Variants in TERT observed in about 807,000 individuals in gnomAD.
TERT encodes telomerase reverse transcriptase, also known as telomerase catalytic subunit.
TERT carries 42 observed loss-of-function variants against 104.0 expected under a neutral mutation model. The observed-to-expected ratio is 0.40, with a 90% CI of 0.32 to 0.52. The LOEUF (loss-of-function observed/expected upper bound fraction) is 0.52, where lower values mean the gene tolerates loss of function less well. Among genes scored for constraint, TERT ranks in the 20% least tolerant of loss-of-function variants. The probability of loss-of-function intolerance (pLI) is 0.43; values close to 1 mark genes in which losing one functional copy is unlikely to be tolerated. For missense variants in TERT, 1,101 were observed against 1,610.3 expected, an observed-to-expected ratio of 0.68 and a Z score of 5.41; for synonymous variants, 781 against 725.6, an observed-to-expected ratio of 1.08 and a Z score of -1.23.
chr5:1,272,622 C>CGT (rs2126620380), intron 6 of TERT, among the ~76,000 whole-genome samples: 4 of 35,592 alleles, frequency 1.1e-4, no homozygotes, highest in African/African-American at 4.5e-4. Context: ...TCAGACCCCA[C>CGT]GACCGCCATC....
chr5:1,270,773 G>A lies in TERT; in HGVS notation c.2468+346C>T, dbSNP rs1463810291. Among the ~76,000 whole-genome samples, 1 of 152,246 alleles carries A rather than the reference G, an allele frequency of 6.6e-6. No individual in the cohort carries two copies. On this transcript the variant is annotated intron_variant, in intron 8 of 15. Transcript: ENST00000310581. The surrounding 1 kb of genome is among the most constrained non-coding windows in gnomAD (Gnocchi z 8.3). The stretch of plus-strand genomic sequence containing the variant: ...TGTGAGAGCCGGGTGTCCAGCGTCA[G>A]TAGTAACTTGGAGCTGACAAGCTGC...
intron 9 of TERT, among the ~76,000 whole-genome samples, chr5:1,267,840 G>T (rs1047039801): frequency 4.6e-5 from 7 of 152,164 alleles, no homozygotes; most frequent in Admixed American, 1.3e-4. Context: ...GTCATGGGAT[G>T]GGGGGAGTGG....
At position 1,290,695 on chromosome 5, in the gene TERT, C is replaced by T. The variant is rs565659560; in HGVS notation, c.1573+2618G>A. Among the ~76,000 whole-genome samples, 14 of 70,832 alleles carry T rather than the reference C, an allele frequency of 2.0e-4. 1 individual carries two copies. The highest frequency in any genetic ancestry group is 2.9e-4 in the Non-Finnish European group (11 of 37,814). The allele number at this position is 70,832 out of a possible 152,430, so 46.5% of individuals were successfully genotyped here. A position where few individuals can be genotyped will look rare whatever the true frequency, so the allele number is the denominator to read the frequency against. On this transcript the variant is annotated intron_variant, in intron 2 of 15. Transcript: ENST00000310581. Reference sequence around the variant, plus strand: ...ACCCGGGGACCGTGCCTCACTCACCCTGCACGTGACAGGGACACCCGGGGA... The same window carrying T: ...ACCCGGGGACCGTGCCTCACTCACCTTGCACGTGACAGGGACACCCGGGGA...
At position 1,253,350 on chromosome 5, in the gene TERT, G is replaced by A. The variant is rs1459192721; in HGVS notation, c.*378C>T. The A allele has an allele frequency of 7.1e-6, 3 of 420,228 alleles. No homozygotes were observed. The highest frequency in any genetic ancestry group is 8.8e-6 in the Non-Finnish European group (2 of 226,750). The allele number at this position is 420,228 out of a possible 1,614,324, so 26.0% of individuals were successfully genotyped here. ...TCTCAGGGTCTCCACCTGGATGGTG[G>A]GGGTGGAAGGCAAAGGAGGGCAGGG... is the stretch of plus-strand genomic sequence containing the variant. On this transcript the variant is annotated 3_prime_UTR_variant, in exon 16 of 16. Coordinates refer to ENST00000310581, the MANE Select transcript of TERT (RefSeq NM_198253.3).
In TERT at chr5:1,278,469, C is replaced by T. The variant is rs2075785; in HGVS notation, c.2286+172G>A. Among the ~76,000 whole-genome samples the T allele has an allele frequency of 0.13, 20,004 of 151,938 alleles. 2,248 individuals are homozygous for T. The highest frequency in any genetic ancestry group is 0.39 in the East Asian group (2,029 of 5,162). On this transcript the variant is annotated intron_variant, in intron 6 of 15. Transcript: ENST00000310581. ...CACACACACACACCACAAATATGCA[C>T]GCCACAGATACATGCACCACGACAC...
In TERT at chr5:1,271,099, C is replaced by T. The variant is rs1258213117; in HGVS notation, c.2468+20G>A. On this transcript the variant is annotated intron_variant, in intron 8 of 15. Transcript: ENST00000310581. ...CGCCCAGCCACCCGCAGGGCAATGG[C>T]ACCTGGCCACCTGACTCACTTGCCC... 3 of 1,608,632 alleles carry T rather than the reference C, an allele frequency of 1.9e-6. No individual in the cohort carries two copies. The highest frequency in any genetic ancestry group is 1.3e-5 in the African/African-American group (1 of 74,872).
intron 2 of TERT, chr5:1,283,111 C>T (rs1260736214): frequency 1.3e-4 from 45 of 334,120 alleles, no homozygotes; most frequent in Non-Finnish European, 6.9e-5. Context: ...GCGACCTCAC[C>T]CCGGACCTGC....
intron 9 of TERT, 149 bp from the exon 10 acceptor site, chr5:1,266,684 C>A: frequency 1.4e-6 from 1 of 737,058 alleles, no homozygotes; most frequent in Non-Finnish European, 2.4e-6. Context: ...AATTTCTTTC[C>A]AACAGACGAG....
At chr5:1,285,859 C>T (rs7705526) in intron 2 of TERT, among the ~76,000 whole-genome samples, 2 of 151,510 alleles carry the variant, frequency 1.3e-5, no homozygotes, top group South Asian at 2.1e-4. Flanking sequence ...TGAGCCACCG[C>T]GCCCAGCCTA....
Position 1,272,179 on chromosome 5 carries a change from C to T in TERT, c.2382+6G>A, listed in dbSNP as rs1400066265. On this transcript the variant is annotated splice_donor_region_variant and intron_variant, in intron 7 of 15. Transcript: ENST00000310581. Reference sequence around the variant, plus strand: ...CGTGCCCAACCCTGCAGGGCAGTGCCCAGACCTGCTCGATGACGACGGCAT... The same window carrying T: ...CGTGCCCAACCCTGCAGGGCAGTGCTCAGACCTGCTCGATGACGACGGCAT... The T allele has an allele frequency of 6.2e-7, 1 of 1,605,822 alleles. No individual in the cohort carries two copies. Among genetic ancestry groups the T allele is most frequent in the Non-Finnish European group, 8.5e-7 (1 of 1,176,352 alleles).
chr5:1,259,498 G>A (rs1748033954), intron 12 of TERT, among the ~76,000 whole-genome samples: 1 of 113,302 alleles, frequency 8.8e-6, no homozygotes, highest in African/African-American at 3.5e-5. Context: ...GCCCACAGGA[G>A]GGGGGAGTGG....
intron 6 of TERT, among the ~76,000 whole-genome samples, chr5:1,273,980 C>T (rs1056748378): frequency 6.6e-6 from 1 of 152,220 alleles, no homozygotes; most frequent in Admixed American, 6.5e-5. Flanking sequence ...GGCACCCCCA[C>T]CTCCTATTCT....
In TERT at chr5:1,265,616, C is replaced by T. The variant is rs1017678026; in HGVS notation, c.2654+848G>A. Among the ~76,000 whole-genome samples the T allele has an allele frequency of 1.3e-5, 2 of 152,062 alleles. No individual in the cohort carries two copies. The highest frequency in any genetic ancestry group is 2.4e-5 in the African/African-American group (1 of 41,424). Reference sequence around the variant, plus strand: ...GTGCTCCGGGCTGCGGCACAAGGAACGCCAGGCATACCCCCAGCCCAGGGC... The same window carrying T: ...GTGCTCCGGGCTGCGGCACAAGGAATGCCAGGCATACCCCCAGCCCAGGGC... On this transcript the variant is annotated intron_variant, in intron 10 of 15. Transcript: ENST00000310581. The surrounding 1 kb of genome is among the most constrained non-coding windows in gnomAD (Gnocchi z 6.9).
rs755542758 is a variant in TERT, at chr5:1,272,300, C to A, written c.2287-20G>T. On this transcript the variant is annotated intron_variant, in intron 6 of 15. Transcript: ENST00000310581. ...AGAGACCTGCCGGCAGAGGAGAGGG[C>A]ATGAGCCACAAATGTGGCCTGCCCC... 1.9e-6 allele frequency: 3 copies of A among 1,600,462 alleles called. No homozygotes were observed. Among genetic ancestry groups the A allele is most frequent in the Non-Finnish European group, 2.6e-6 (3 of 1,172,368 alleles).
At position 1,263,472 on chromosome 5, in the gene TERT, C is replaced by T. The variant is rs34895517; in HGVS notation, c.2843+932G>A. ...AGGCTGGAGTGCAGTGGTGTGATCT[C>T]GGCTCACTGCAACCTCTGCCTCCTG... On this transcript the variant is annotated intron_variant, in intron 11 of 15. Coordinates refer to ENST00000310581, the MANE Select transcript of TERT (RefSeq NM_198253.3). The surrounding 1 kb of genome is among the most constrained non-coding windows in gnomAD (Gnocchi z 5.3). Among the ~76,000 whole-genome samples, 18 of 150,896 alleles carry T rather than the reference C, an allele frequency of 1.2e-4. No homozygotes were observed. The South Asian group carries it at 1.7e-3, about 14-fold the overall frequency.
intron 14 of TERT, 61 bp from the exon 15 acceptor site, chr5:1,254,566 C>A (rs1040916510): frequency 1.5e-5 from 24 of 1,554,144 alleles, no homozygotes; most frequent in Non-Finnish European, 1.9e-5. Context: ...CCAGGAGACA[C>A]CGGAAAGCTG....
chr5:1,283,905 AC>A (rs1940842734), intron 2 of TERT, among the ~76,000 whole-genome samples: 1 of 143,444 alleles, frequency 7.0e-6, no homozygotes, highest in African/African-American at 2.6e-5. Context: ...TGGCGAACTC[AC>A]CCCGGACCTG....
At chr5:1,275,629 T>C (rs1344328362) in intron 6 of TERT, among the ~76,000 whole-genome samples, 1 of 152,046 alleles carries the variant, frequency 6.6e-6, no homozygotes, top group Non-Finnish European at 1.5e-5. Flanking sequence ...AAGGAAGATA[T>C]GGTCTCCTCA....
chr5:1,261,616 G>A lies in TERT; in HGVS notation c.2844-1016C>T, dbSNP rs1000640674. On this transcript the variant is annotated intron_variant, in intron 11 of 15. Transcript: ENST00000310581. The surrounding 1 kb of genome is among the most constrained non-coding windows in gnomAD (Gnocchi z 7.4). ...GGACAGGTCTCGCCATCAGTTTCAC[G>A]TGCGTTTCTTTGAGGGATGGGTCTC... Among the ~76,000 whole-genome samples, 7 of 152,230 alleles carry A rather than the reference G, an allele frequency of 4.6e-5. No homozygotes were observed. Among genetic ancestry groups the A allele is most frequent in the East Asian group, 1.9e-4 (1 of 5,208 alleles).
Sources: allele counts gnomAD v4.1 joint callset (sites outside exome capture counted in the v4.1 genomes callset), GRCh38; gene constraint gnomAD v4.1.1; non-coding constraint Gnocchi (gnomAD v3.1); transcripts MANE v1.5; gene names NCBI Gene and HGNC (gene_info 2026-07-23, HGNC 2026-07-21).